MTCL2: variants seen among roughly 807,000 people sequenced by gnomAD.
MTCL2 encodes the protein microtubule crosslinking factor 2.
the MTCL2 span, chr20:36,786,739 A>G: frequency 8.6e-7 from 1 of 1,157,888 alleles, no homozygotes; most frequent in Non-Finnish European, 1.2e-6. Flanking sequence ...AGACTCGGCC[A>G]TAAACCAGTT....
At chr20:36,810,249 A>C in the MTCL2 span, 1 of 999,436 alleles carries the variant, frequency 1.0e-6, no homozygotes, top group Non-Finnish European at 1.4e-6. Context: ...AGGCAGAATG[A>C]CTGTCCCCAC....
chr20:36,793,065 T>C, the MTCL2 span: 1 of 694,804 alleles, frequency 1.4e-6, no homozygotes, highest in African/African-American at 1.8e-5. The surrounding 1 kb of genome is among the most constrained non-coding windows in gnomAD (Gnocchi z 6.8). Context: ...CCACCACGCC[T>C]GGCCAATTTT....
the MTCL2 span, among the ~76,000 whole-genome samples, chr20:36,790,092 T>C: frequency 4.0e-5 from 6 of 150,050 alleles, no homozygotes; most frequent in Middle Eastern, 3.4e-3. Context: ...CCCGGGTTCA[T>C]GCCATTCTCC....
At chr20:36,800,522 T>G in the MTCL2 span, among the ~76,000 whole-genome samples, 2 of 152,212 alleles carry the variant, frequency 1.3e-5, no homozygotes, top group Non-Finnish European at 2.9e-5. Flanking sequence ...CCAGGAACTT[T>G]CCAGATCTGG....
the MTCL2 span, among the ~76,000 whole-genome samples, chr20:36,806,864 TTC>T: frequency 9.2e-5 from 14 of 152,316 alleles, no homozygotes; most frequent in Admixed American, 8.5e-4. Context: ...TAAAGTAAGT[TTC>T]TCTCTCTTTT....
At chr20:36,792,881 C>T in the MTCL2 span, among the ~76,000 whole-genome samples, 623 of 151,570 alleles carry the variant, frequency 4.1e-3, 7 homozygotes, top group African/African-American at 0.014. Context: ...GACAGACAGA[C>T]AGACAGACAG....
At chr20:36,863,077 C>T in the MTCL2 span, 3 of 1,402,148 alleles carry the variant, frequency 2.1e-6, no homozygotes, top group South Asian at 4.1e-5. The surrounding 1 kb of genome is among the most constrained non-coding windows in gnomAD (Gnocchi z 6.2). Context: ...GTGCGGACCC[C>T]GGCCACCCGC....
At chr20:36,786,138 G>C in the MTCL2 span, 1 of 1,003,246 alleles carries the variant, frequency 1.0e-6, no homozygotes. Context: ...TCCTTCTTGG[G>C]CTCTTCCAAG....
chr20:36,803,283 C>T, the MTCL2 span, among the ~76,000 whole-genome samples: 1 of 152,248 alleles, frequency 6.6e-6, no homozygotes, highest in Admixed American at 6.5e-5. Context: ...CTAACCCCTC[C>T]ACACAATAAG....
the MTCL2 span, chr20:36,863,221 C>A: frequency 8.3e-7 from 1 of 1,207,162 alleles, no homozygotes; most frequent in East Asian, 3.5e-5. This position sits in a 1 kb window ranked among gnomAD's most constrained non-coding sequence, Gnocchi z 6.2. Context: ...CAGCCGGCCA[C>A]GTCTTTGGGC....
At chr20:36,799,575 C>T in the MTCL2 span, among the ~76,000 whole-genome samples, 1 of 151,064 alleles carries the variant, frequency 6.6e-6, no homozygotes, top group East Asian at 2.0e-4. Context: ...CCCAGCTGCA[C>T]GAGAGGTTGA....
chr20:36,800,667 C>T, the MTCL2 span, among the ~76,000 whole-genome samples: 1 of 152,166 alleles, frequency 6.6e-6, no homozygotes, highest in African/African-American at 2.4e-5. Flanking sequence ...CTGAAGAGAA[C>T]ATTAGGAAGA....
chr20:36,863,020 G>A, the MTCL2 span: 11 of 1,398,986 alleles, frequency 7.9e-6, no homozygotes, highest in Middle Eastern at 2.4e-4. The surrounding 1 kb of genome is among the most constrained non-coding windows in gnomAD (Gnocchi z 6.2). Flanking sequence ...GGCGGTGGCG[G>A]TCGCGGCCCC....
chr20:36,793,690 G>A, the MTCL2 span: 5 of 1,549,052 alleles, frequency 3.2e-6, no homozygotes, highest in Non-Finnish European at 4.4e-6. The surrounding 1 kb of genome is among the most constrained non-coding windows in gnomAD (Gnocchi z 6.8). Flanking sequence ...GCTTGCCCTG[G>A]TGCAGGTTCC....
the MTCL2 span, chr20:36,828,989 C>CT: frequency 6.9e-7 from 1 of 1,459,336 alleles, no homozygotes. Flanking sequence ...GAGACACTGG[C>CT]TTGGGGGGGC....
At chr20:36,827,612 G>A in the MTCL2 span, among the ~76,000 whole-genome samples, 1 of 152,052 alleles carries the variant, frequency 6.6e-6, no homozygotes, top group South Asian at 2.1e-4. Context: ...GATTATAGGT[G>A]TGAGCCACCG....
chr20:36,809,977 C>G, the MTCL2 span: 1 of 1,598,404 alleles, frequency 6.3e-7, no homozygotes, highest in Non-Finnish European at 8.5e-7. Context: ...CTGGGCACCA[C>G]GCACCTGGAC....
At chr20:36,862,959 T>C in the MTCL2 span, 1 of 1,399,992 alleles carries the variant, frequency 7.1e-7, no homozygotes, top group Non-Finnish European at 9.3e-7. Flanking sequence ...GCGCGCCTCC[T>C]CCGACGCGCA....
the MTCL2 span, among the ~76,000 whole-genome samples, chr20:36,845,473 C>T: frequency 6.6e-6 from 1 of 152,268 alleles, no homozygotes; most frequent in African/African-American, 2.4e-5. Context: ...GGGCCTAGGC[C>T]TCTCAGGGGG....
Sources: allele counts gnomAD v4.1 joint callset (sites outside exome capture counted in the v4.1 genomes callset), GRCh38; gene constraint gnomAD v4.1.1; non-coding constraint Gnocchi (gnomAD v3.1); transcripts MANE v1.5; gene names NCBI Gene and HGNC (gene_info 2026-07-23, HGNC 2026-07-21).